The following PREX2 variants were observed in gnomAD, a reference collection of about 807,000 sequenced individuals.
PREX2 encodes the protein phosphatidylinositol 3,4,5-trisphosphate-dependent Rac exchanger 2 protein.
A neutral mutation model predicts 203.2 loss-of-function variants in PREX2; 107 were observed. That is an observed-to-expected ratio of 0.53 (90% CI 0.45 to 0.62). The LOEUF is 0.62. Among genes scored for constraint, PREX2 ranks in the 20% least tolerant of loss-of-function variants. The pLI is 0.00. For synonymous variants in PREX2, 672 were observed against 663.6 expected (o/e 1.01, Z -0.19); for missense variants, 1,777 against 1,955.9 (o/e 0.91, Z 1.72).
chr8:68,194,943 C>T (rs1812367431), intron 37 of PREX2, among the ~76,000 whole-genome samples: 2 of 152,108 alleles, frequency 1.3e-5, no homozygotes, highest in South Asian at 4.1e-4. Context: ...CCATTGTGGC[C>T]TCAACAAAGC....
intron 37 of PREX2, among the ~76,000 whole-genome samples, chr8:68,197,411 C>G (rs553035270): frequency 6.6e-6 from 1 of 152,044 alleles, no homozygotes; most frequent in Non-Finnish European, 1.5e-5. Context: ...CTTCCCTATG[C>G]AAAAGGTGCC....
At chr8:68,035,762 G>A (rs889465449) in intron 6 of PREX2, among the ~76,000 whole-genome samples, 4 of 152,122 alleles carry the variant, frequency 2.6e-5, no homozygotes, top group African/African-American at 9.7e-5. Context: ...GATTACTGTG[G>A]TAGAAGATGG....
chr8:67,965,864 A>G (rs539805789), intron 1 of PREX2, among the ~76,000 whole-genome samples: 1 of 152,190 alleles, frequency 6.6e-6, no homozygotes, highest in Non-Finnish European at 1.5e-5. Flanking sequence ...AAAAGGAATC[A>G]TGTTATTCAT....
At chr8:68,204,389 C>G (rs1027156746) in intron 37 of PREX2, among the ~76,000 whole-genome samples, 15 of 152,176 alleles carry the variant, frequency 9.9e-5, no homozygotes, top group African/African-American at 3.4e-4. Context: ...ATGCTGAGAA[C>G]TTTCAGAGAA....
intron 22 of PREX2, 122 bp downstream of exon 22, chr8:68,097,323 C>A: frequency 1.4e-6 from 1 of 724,534 alleles, no homozygotes; most frequent in Non-Finnish European, 2.0e-6. Flanking sequence ...CTCATTCAAA[C>A]TTCTTTTTTT....
intron 37 of PREX2, among the ~76,000 whole-genome samples, chr8:68,208,993 G>A (rs539141212): frequency 3.4e-5 from 5 of 149,032 alleles, no homozygotes; most frequent in East Asian, 2.0e-4. Context: ...TCACTTAAGC[G>A]CAAGAATTTG....
chr8:68,067,039 A>G (rs553526025), intron 11 of PREX2, among the ~76,000 whole-genome samples: 49 of 152,114 alleles, frequency 3.2e-4, no homozygotes, highest in African/African-American at 1.1e-3. Context: ...ATGACCATAA[A>G]TCTGTGAATT....
intron 1 of PREX2, among the ~76,000 whole-genome samples, chr8:67,965,011 G>A (rs1163572597): frequency 6.6e-6 from 1 of 152,154 alleles, no homozygotes. Flanking sequence ...CAAGGCAGTT[G>A]CTGGAGTAGG....
intron 1 of PREX2, among the ~76,000 whole-genome samples, chr8:68,014,455 G>A (rs964315600): frequency 6.6e-6 from 1 of 152,074 alleles, no homozygotes; most frequent in Non-Finnish European, 1.5e-5. Flanking sequence ...TGCGGGGGGG[G>A]CGGCATATGT....
chr8:68,054,815 G>C (rs1808627362), intron 9 of PREX2, among the ~76,000 whole-genome samples: 1 of 152,148 alleles, frequency 6.6e-6, no homozygotes, highest in Admixed American at 6.6e-5. Context: ...AGGCATACTT[G>C]GTGCCCACCG....
chr8:68,191,080 G>A (rs1812283371), intron 35 of PREX2, among the ~76,000 whole-genome samples: 1 of 152,022 alleles, frequency 6.6e-6, no homozygotes, highest in South Asian at 2.1e-4. Context: ...TTTGCACAAA[G>A]TGTATTAGGC....
rs1193619688 is a variant in PREX2 at position 68,118,586 on chromosome 8, C to T, written c.3363C>T (p.Phe1121=). 1.2e-6 allele frequency: 2 copies of T among 1,614,100 alleles called. No homozygotes were observed. Among genetic ancestry groups the T allele is most frequent in the Admixed American group, 3.3e-5 (2 of 60,016 alleles). ...GCAATAGGAATTCCATCGCCTCCTT[C>T]ACCAGCATCTGCAGCAGCCAGTGCA... ...CNSNRNSIAS[F]TSICSSQCSS... Residue 1121 remains phenylalanine (F), a synonymous_variant, in exon 27 of 40, where the codon TTC becomes TTT. Coordinates refer to ENST00000288368, the MANE Select transcript of PREX2 (RefSeq NM_024870.4).
chr8:68,114,162 CT>C lies in PREX2; in HGVS notation c.3147-1587del, dbSNP rs201149003. ...CAGGCATGAGCCACCGCGCCCGGCC[CT>C]TTTGTGTGTTTTATAAACTACTATA... On this transcript the variant is annotated intron_variant, in intron 25 of 39. Transcript: ENST00000288368. 762 of 281,710 alleles carry C rather than the reference CT, an allele frequency of 2.7e-3. 8 individuals are homozygous for C. Among genetic ancestry groups the C allele is most frequent in the African/African-American group, 0.016 (720 of 45,320 alleles). The allele number at this position is 281,710 out of a possible 1,614,324, so 17.5% of individuals were successfully genotyped here. A position where few individuals can be genotyped will look rare whatever the true frequency, so the allele number is the denominator to read the frequency against.
intron 34 of PREX2, among the ~76,000 whole-genome samples, chr8:68,155,490 A>G (rs1489164752): frequency 6.6e-6 from 1 of 152,218 alleles, no homozygotes; most frequent in African/African-American, 2.4e-5. Context: ...TAATAAAACT[A>G]TAGCACAGCT....
intron 1 of PREX2, among the ~76,000 whole-genome samples, chr8:67,976,385 G>A (rs28555078): frequency 0.31 from 42,716 of 138,218 alleles, 6,323 homozygotes; most frequent in East Asian, 0.58. Flanking sequence ...AGAGAAAGAG[G>A]GAGAGAGACA....
intron 14 of PREX2, among the ~76,000 whole-genome samples, chr8:68,073,975 C>CT (rs561110194): frequency 4.4e-4 from 63 of 144,170 alleles, no homozygotes; most frequent in Middle Eastern, 3.5e-3. Context: ...GCCAAGTTGC[C>CT]TTTTTTTTTT....
intron 32 of PREX2, 22 bp downstream of exon 32, chr8:68,134,298 C>A: frequency 6.4e-7 from 1 of 1,563,912 alleles, no homozygotes; most frequent in Non-Finnish European, 8.8e-7. Context: ...ACATGACTCC[C>A]ACTGTCTGTG....
chr8:68,109,397 A>T lies in PREX2; in HGVS notation c.2939-19A>T, dbSNP rs368332715. ...TTAAAGGTGATACATATTACTAAGG[A>T]ATGACTTTAATTCCTCAGGGAAACT... On this transcript the variant is annotated intron_variant, in intron 24 of 39. Transcript: ENST00000288368. 6.3e-7 allele frequency: 1 copy of T among 1,594,172 alleles called. No individual in the cohort carries two copies. Among genetic ancestry groups the T allele is most frequent in the African/African-American group, 1.3e-5 (1 of 74,296 alleles).
chr8:67,999,210 G>T (rs1445096945), intron 1 of PREX2, among the ~76,000 whole-genome samples: 5 of 151,872 alleles, frequency 3.3e-5, no homozygotes, highest in Non-Finnish European at 7.4e-5. Context: ...AAATTAGTAG[G>T]ATAGATAGGC....
Sources: gnomAD v4.1 joint callset for allele counts (sites outside exome capture counted in the v4.1 genomes callset) on GRCh38, gnomAD v4.1.1 for gene constraint, MANE v1.5 for transcripts, NCBI Gene and HGNC (gene_info 2026-07-23, HGNC 2026-07-21) for gene names.